The following CD44 variants were observed in gnomAD, a reference collection of about 807,000 sequenced individuals.
CD44 encodes CD44 molecule (IN blood group).
In CD44, 49 loss-of-function variants were observed where a neutral mutation model predicts 88.8. The ratio of observed to expected loss-of-function variants is 0.55; its 90% CI spans 0.44 to 0.70. CD44 has a LOEUF of 0.70. Among genes scored for constraint, CD44 ranks in the 30% least tolerant of loss-of-function variants. The probability of loss-of-function intolerance (pLI) is 0.00; values close to 1 mark genes in which losing one functional copy is unlikely to be tolerated. For missense variants in CD44, 883 were observed against 913.8 expected (o/e 0.97, Z 0.43); for synonymous variants, 325 against 312.3 (o/e 1.04, Z -0.43).
In CD44 at chr11:35,208,008, A is replaced by G. The variant is rs915945441; in HGVS notation, c.1415-97A>G. 2.1e-5 allele frequency: 15 copies of G among 726,432 alleles called. 1 individual carries two copies. Among genetic ancestry groups the G allele is most frequent in the Admixed American group, 3.8e-5 (2 of 52,468 alleles). 45.0% of individuals were successfully genotyped at this position (726,432 alleles called of 1,614,324 possible). A position where few individuals can be genotyped will look rare whatever the true frequency, so the allele number is the denominator to read the frequency against. Reference sequence around the variant, plus strand: ...GTATGTGCTTTCTTTCCTCTTGGCCAGATGTGAATATTTAAAAAAATCAGC... The same window carrying G: ...GTATGTGCTTTCTTTCCTCTTGGCCGGATGTGAATATTTAAAAAAATCAGC... On this transcript the variant is annotated intron_variant, in intron 11 of 17. Coordinates refer to ENST00000428726, the MANE Select transcript of CD44 (RefSeq NM_000610.4).
chr11:35,157,321 GTCTATCTATCTATCTA>G (rs3838798), intron 1 of CD44, among the ~76,000 whole-genome samples: 108 of 147,288 alleles, frequency 7.3e-4, no homozygotes, highest in African/African-American at 1.1e-3. Flanking sequence ...CTGTCTGTCT[GTCTATCTATCTATCTA>G]TCTATCTATC....
chr11:35,154,886 AG>A (rs1328032407), intron 1 of CD44, among the ~76,000 whole-genome samples: 1 of 151,404 alleles, frequency 6.6e-6, no homozygotes, highest in Non-Finnish European at 1.5e-5. Flanking sequence ...GGATGATTCC[AG>A]GAAGTCAATG....
chr11:35,162,975 A>T (rs749834330), intron 1 of CD44, among the ~76,000 whole-genome samples: 1 of 152,126 alleles, frequency 6.6e-6, no homozygotes, highest in Non-Finnish European at 1.5e-5. Context: ...ACAGAGATTG[A>T]GTCACCAACA....
At chr11:35,220,154 C>CT (rs1360528612) in intron 16 of CD44, among the ~76,000 whole-genome samples, 1 of 152,202 alleles carries the variant, frequency 6.6e-6, no homozygotes, top group Non-Finnish European at 1.5e-5. Context: ...CACCGTTCTC[C>CT]TTTGCCCCAG....
At chr11:35,217,460 G>A (rs1390684308) in intron 15 of CD44, among the ~76,000 whole-genome samples, 1 of 152,092 alleles carries the variant, frequency 6.6e-6, no homozygotes, top group Non-Finnish European at 1.5e-5. Flanking sequence ...TTGGGCAGGT[G>A]AAAACCTGCC....
At chr11:35,160,829 C>T (rs1954238181) in intron 1 of CD44, among the ~76,000 whole-genome samples, 1 of 152,160 alleles carries the variant, frequency 6.6e-6, no homozygotes, top group African/African-American at 2.4e-5. Flanking sequence ...AGGCATGGTC[C>T]CAGTGGAACC....
chr11:35,227,731 A>G (rs1949802521), intron 17 of CD44, among the ~76,000 whole-genome samples: 1 of 152,216 alleles, frequency 6.6e-6, no homozygotes, highest in South Asian at 2.1e-4. Flanking sequence ...AGGCTTTGTC[A>G]CTATTACTCC....
Position 35,176,606 on chromosome 11 carries a change from A to G in CD44, c.99A>G (p.Val33=). The change falls in exon 2 of 18, where the codon GTA becomes GTG. Residue 33 remains valine, a synonymous_variant. Transcript: ENST00000428726. The part of the protein sequence containing the change: ...DLNITCRFAG[V]FHVEKNGRYS... ...ATATAACCTGCCGCTTTGCAGGTGT[A>G]TTCCACGTGGAGAAAAATGGTCGCT... The G allele has an allele frequency of 6.2e-7, 1 of 1,614,028 alleles. No homozygotes were observed. Among genetic ancestry groups the G allele is most frequent in the African/African-American group, 1.3e-5 (1 of 75,052 alleles).
intron 1 of CD44, among the ~76,000 whole-genome samples, chr11:35,170,970 G>A (rs952524898): frequency 1.4e-4 from 22 of 152,304 alleles, no homozygotes; most frequent in African/African-American, 5.3e-4. Context: ...CTGTGTGTTA[G>A]TTTCTCCATC....
At chr11:35,151,240 A>G (rs943572015) in intron 1 of CD44, among the ~76,000 whole-genome samples, 2 of 152,120 alleles carry the variant, frequency 1.3e-5, no homozygotes, top group Non-Finnish European at 2.9e-5. Context: ...AAGAGAATTC[A>G]TGAAAAGAAC....
At chr11:35,181,974 T>TA (rs1288772450) in intron 3 of CD44, among the ~76,000 whole-genome samples, 1 of 108,470 alleles carries the variant, frequency 9.2e-6, no homozygotes, top group Non-Finnish European at 1.7e-5. Flanking sequence ...TATATAAATA[T>TA]TATATATTAT....
chr11:35,220,758 T>C (rs1949225445), intron 16 of CD44, among the ~76,000 whole-genome samples: 2 of 147,520 alleles, frequency 1.4e-5, no homozygotes, highest in South Asian at 4.3e-4. Flanking sequence ...CATTTTAATA[T>C]ACGTCTTTTT....
At chr11:35,181,760 A>T (rs1309562045) in intron 3 of CD44, among the ~76,000 whole-genome samples, 1 of 122,150 alleles carries the variant, frequency 8.2e-6, no homozygotes, top group Non-Finnish European at 1.6e-5. Context: ...ATAAATTTAT[A>T]TTTATATATT....
chr11:35,163,893 C>T (rs1942954619), intron 1 of CD44, among the ~76,000 whole-genome samples: 1 of 152,094 alleles, frequency 6.6e-6, no homozygotes, highest in Non-Finnish European at 1.5e-5. Flanking sequence ...GTCTGCCTCA[C>T]CCCCTGCTGG....
chr11:35,219,266 A>G (rs1949096460), intron 15 of CD44, 50 bp from the exon 16 acceptor site: 2 of 1,397,394 alleles, frequency 1.4e-6, no homozygotes, highest in East Asian at 4.6e-5. Flanking sequence ...CAAGGAACTC[A>G]TGGTTACACA....
At chr11:35,219,273 C>CACATTTCAAACTT in intron 15 of CD44, 43 bp from the exon 16 acceptor site, 2 of 1,467,842 alleles carry the variant, frequency 1.4e-6, no homozygotes, top group Non-Finnish European at 1.9e-6. Flanking sequence ...CTCATGGTTA[C>CACATTTCAAACTT]ACATTTCAAA....
In CD44 at chr11:35,159,264, G is replaced by C. The variant is rs370062497; in HGVS notation, c.68-17311G>C. ...AAAATACCTTTAATTGCCTTTAGCT[G>C]CTTAGTTCTGCTGTCCTCTAAAGAA... On this transcript the variant is annotated intron_variant, in intron 1 of 17. Transcript: ENST00000428726. 1.6e-4 allele frequency among the ~76,000 whole-genome samples: 25 copies of C among 152,266 alleles called. 1 individual carries two copies. The South Asian group carries it at 3.5e-3, about 21-fold the overall frequency.
chr11:35,162,249 G>A (rs1463194540), intron 1 of CD44, among the ~76,000 whole-genome samples: 1 of 152,048 alleles, frequency 6.6e-6, no homozygotes. Flanking sequence ...AGACCCAGTT[G>A]TTCCCACCCT....
intron 5 of CD44, among the ~76,000 whole-genome samples, chr11:35,192,669 G>A (rs1196014730): frequency 6.6e-6 from 1 of 152,118 alleles, no homozygotes; most frequent in Non-Finnish European, 1.5e-5. Flanking sequence ...AGTGTCATCA[G>A]CCTCTTCCTA....
Sources: gnomAD v4.1 joint callset for allele counts (sites outside exome capture counted in the v4.1 genomes callset) on GRCh38, gnomAD v4.1.1 for gene constraint, MANE v1.5 for transcripts, NCBI Gene and HGNC (gene_info 2026-07-23, HGNC 2026-07-21) for gene names.